Variants in TMC7 observed in about 807,000 individuals in gnomAD.
The protein encoded by TMC7 is transmembrane channel like 7, also known as transmembrane channel-like protein 7.
TMC7 carries 54 observed loss-of-function variants against 82.9 expected under a neutral mutation model. That is an observed-to-expected ratio of 0.65 (90% CI 0.52 to 0.82). The LOEUF is 0.82. TMC7 is among the 40% of genes least tolerant of loss of function. The pLI, the probability that TMC7 is intolerant of heterozygous loss-of-function variation, is 0.00. For synonymous variants in TMC7, 350 were observed against 337.9 expected (o/e 1.04, Z -0.39); for missense variants, 820 against 901.2 (o/e 0.91, Z 1.15).
intron 2 of TMC7, among the ~76,000 whole-genome samples, chr16:19,012,641 T>C (rs1031360416): frequency 4.0e-5 from 6 of 151,270 alleles, no homozygotes; most frequent in African/African-American, 1.5e-4. Flanking sequence ...ATACAAAAAT[T>C]AGCCAGGTGT....
At chr16:18,996,760 C>T (rs780775195) in intron 1 of TMC7, among the ~76,000 whole-genome samples, 2 of 152,130 alleles carry the variant, frequency 1.3e-5, no homozygotes, top group Admixed American at 6.5e-5. Context: ...CCAAAGCAGG[C>T]GTCTCCGCAA....
intron 2 of TMC7, among the ~76,000 whole-genome samples, chr16:19,013,444 C>G (rs965095263): frequency 2.0e-5 from 3 of 148,662 alleles, no homozygotes; most frequent in Admixed American, 1.3e-4. Flanking sequence ...CTCAAACTCC[C>G]GACCTCAGGT....
At chr16:19,009,947 A>AG (rs1368449403) in intron 2 of TMC7, among the ~76,000 whole-genome samples, 27 of 151,282 alleles carry the variant, frequency 1.8e-4, no homozygotes, top group African/African-American at 6.3e-4. Flanking sequence ...GCTCAAAAAA[A>AG]AAAAAAAAAA....
intron 13 of TMC7, among the ~76,000 whole-genome samples, chr16:19,052,605 A>G (rs1243199765): frequency 6.6e-6 from 1 of 152,214 alleles, no homozygotes; most frequent in Non-Finnish European, 1.5e-5. Flanking sequence ...TGAGCCAAGG[A>G]GTTCGAGACC....
At chr16:19,026,610 T>G (rs551810523) in intron 5 of TMC7, among the ~76,000 whole-genome samples, 13 of 152,340 alleles carry the variant, frequency 8.5e-5, no homozygotes, top group African/African-American at 3.1e-4. Flanking sequence ...TGTAACCTTC[T>G]TCCTGATAGG....
intron 8 of TMC7, among the ~76,000 whole-genome samples, chr16:19,039,666 C>T (rs1960918522): frequency 6.6e-6 from 1 of 152,094 alleles, no homozygotes; most frequent in Admixed American, 6.6e-5. Flanking sequence ...ATTGCTATTT[C>T]AATTTCAAAT....
At chr16:19,051,937 C>G in intron 13 of TMC7, 121 bp downstream of exon 13, 1 of 1,353,156 alleles carries the variant, frequency 7.4e-7, no homozygotes, top group Non-Finnish European at 1.0e-6. Flanking sequence ...CTCTGTCACC[C>G]AGGCTGGAGT....
In TMC7 at chr16:19,021,772, G is replaced by T. The variant is rs142694325; in HGVS notation, c.604G>T (p.Val202Leu). Reference protein sequence around the residue: ...TKYKITNSSFVLIPFKDMDKQ... With the variant: ...TKYKITNSSFLLIPFKDMDKQ... ...ATACAAGATCACCAACAGCAGCTTC[G>T]TGCTCATTCCTTTCAAAGACATGGG... is the stretch of plus-strand genomic sequence containing the variant. The change falls in exon 4 of 16, where the codon GTG becomes TTG. Residue 202 changes from valine (V) to leucine (L), a missense_variant. By Grantham distance (32) the Val-to-Leu change is conservative. Around this residue, in one of 2 missense-constraint regions of TMC7, gnomAD observed 650 missense variants for 669.9 expected, o/e 0.97. Coordinates refer to ENST00000304381, the MANE Select transcript of TMC7 (RefSeq NM_024847.4). 1 of 1,614,096 alleles carries T rather than the reference G, an allele frequency of 6.2e-7. No homozygotes were observed. Among genetic ancestry groups the T allele is most frequent in the Non-Finnish European group, 8.5e-7 (1 of 1,180,018 alleles).
intron 3 of TMC7, among the ~76,000 whole-genome samples, chr16:19,017,962 G>A (rs953294175): frequency 2.0e-5 from 3 of 152,104 alleles, no homozygotes; most frequent in African/African-American, 7.2e-5. Flanking sequence ...GAGCCACCAC[G>A]CCTGGCTCCA....
intron 2 of TMC7, among the ~76,000 whole-genome samples, chr16:19,013,261 C>T (rs369753742): frequency 2.6e-5 from 4 of 151,500 alleles, no homozygotes; most frequent in South Asian, 2.1e-4. Flanking sequence ...TCTTGTTGCC[C>T]GGGCTGGAGT....
intron 4 of TMC7, 36 bp from the exon 5 acceptor site, chr16:19,023,076 CT>C (rs765162741): frequency 1.1e-5 from 15 of 1,383,368 alleles, no homozygotes; most frequent in Non-Finnish European, 1.4e-5. Context: ...GAGACTAAAA[CT>C]GTTTCCACTG....
In TMC7 at chr16:19,040,419, G is replaced by A. The variant is rs73528934; in HGVS notation, c.1310G>A (p.Gly437Asp). ...ATCCGCTATGAGGATTATTCTCCAGGCTTTGAGATCCGTCTGACAATCCTT... is the reference window on the plus strand; with the variant it reads ...ATCCGCTATGAGGATTATTCTCCAGACTTTGAGATCCGTCTGACAATCCTT... ...KIIRYEDYSPGFEIRLTILRC... is the reference protein window; with the variant it reads ...KIIRYEDYSPDFEIRLTILRC... Residue 437 changes from glycine to aspartate, a missense_variant, in exon 9 of 16, where the codon GGC (glycine) becomes GAC (aspartate). By Grantham distance (94) the Gly-to-Asp change is moderately conservative. Around this residue, in one of 2 missense-constraint regions of TMC7, gnomAD observed 650 missense variants for 669.9 expected, o/e 0.97. Transcript: ENST00000304381. 3.2e-3 allele frequency: 5,170 copies of A among 1,612,620 alleles called. 152 individuals carry two copies. The African/African-American group carries it at 0.06, about 19-fold the overall frequency.
At chr16:19,041,886 C>G (rs1421415548) in intron 9 of TMC7, among the ~76,000 whole-genome samples, 1 of 152,008 alleles carries the variant, frequency 6.6e-6, no homozygotes, top group Non-Finnish European at 1.5e-5. Flanking sequence ...TTTTGTTAGG[C>G]CTTTGATTTG....
Position 19,063,882 on chromosome 16 carries a change from GCT to G in TMC7, c.*2046_*2047del, listed in dbSNP as rs1195700615. 2.0e-5 allele frequency: 3 copies of G among 152,088 alleles called. No individual in the cohort carries two copies. The highest frequency in any genetic ancestry group is 4.1e-4 in the South Asian group (2 of 4,828). 9.4% of individuals were successfully genotyped at this position (152,088 alleles called of 1,614,324 possible). A position where few individuals can be genotyped will look rare whatever the true frequency, so the allele number is the denominator to read the frequency against. On this transcript the variant is annotated 3_prime_UTR_variant, in exon 16 of 16. Coordinates refer to ENST00000304381, the MANE Select transcript of TMC7 (RefSeq NM_024847.4). The stretch of plus-strand genomic sequence containing the variant: ...ATGTCTGTATAACTTTTAAAGTGCA[GCT>G]CTCTCTAACAAATGTGCCTTACAAC...
intron 2 of TMC7, chr16:19,012,120 ATG>A (rs1395098737): frequency 2.0e-5 from 2 of 100,910 alleles, no homozygotes; most frequent in African/African-American, 7.0e-5. Context: ...AAAAAGTGAG[ATG>A]TTGTCTCAAA....
intron 15 of TMC7, among the ~76,000 whole-genome samples, chr16:19,060,508 A>G (rs1383528054): frequency 6.6e-6 from 1 of 151,834 alleles, no homozygotes; most frequent in Non-Finnish European, 1.5e-5. Flanking sequence ...CCTGGACCCT[A>G]GCTGAGACTT....
intron 12 of TMC7, 132 bp downstream of exon 12, chr16:19,047,381 T>G (rs930432436): frequency 1.5e-5 from 12 of 797,804 alleles, no homozygotes; most frequent in Non-Finnish European, 2.1e-5. Flanking sequence ...AAATATATGT[T>G]TATTCTAGAA....
Position 19,037,957 on chromosome 16 carries a change from G to A in TMC7, c.1089G>A (p.Leu363=). ...CAATACGCATTTACTCTTTGAGACT[G>A]TTTTTGAACTGTATTGTTCTGGCTG... ...EETIRIYSLR[L]FLNCIVLAVL... Residue 363 remains leucine, a synonymous_variant, in exon 8 of 16, where the codon CTG becomes CTA. Coordinates refer to ENST00000304381, the MANE Select transcript of TMC7 (RefSeq NM_024847.4). 6.2e-7 allele frequency: 1 copy of A among 1,614,096 alleles called. No homozygotes were observed. The highest frequency in any genetic ancestry group is 8.5e-7 in the Non-Finnish European group (1 of 1,180,018).
intron 1 of TMC7, among the ~76,000 whole-genome samples, chr16:18,997,926 G>T (rs1165045360): frequency 6.6e-6 from 1 of 151,760 alleles, no homozygotes; most frequent in Non-Finnish European, 1.5e-5. Context: ...TAGAGACGGG[G>T]TTTCACCATG....
Sources: allele counts gnomAD v4.1 joint callset (sites outside exome capture counted in the v4.1 genomes callset), GRCh38; gene constraint gnomAD v4.1.1; regional missense constraint gnomAD v4.1.1; transcripts MANE v1.5; gene names NCBI Gene and HGNC (gene_info 2026-07-23, HGNC 2026-07-21).